Variants in GPHN observed in about 807,000 individuals in gnomAD.
GPHN encodes the protein gephyrin.
A neutral mutation model predicts 95.5 loss-of-function variants in GPHN; 17 were observed. The ratio of observed to expected loss-of-function variants is 0.18; its 90% confidence interval spans 0.12 to 0.27. The LOEUF (loss-of-function observed/expected upper bound fraction) is 0.27, where lower values mean the gene tolerates loss of function less well. Ranked by LOEUF, GPHN falls within the 10% of genes least tolerant of loss-of-function variation. The pLI is 1.00. For synonymous variants in GPHN, 320 were observed against 322.5 expected (o/e 0.99, Z 0.08); for missense variants, 660 against 978.1 (o/e 0.67, Z 4.34).
chr14:67,360,270 T>A, the GPHN span: 32 of 398,960 alleles, frequency 8.0e-5, no homozygotes, highest in African/African-American at 6.6e-4. Context: ...GACTCTATGG[T>A]TAATGATGAA....
intron 17 of GPHN, chr14:67,143,008 G>C (rs1315658788): frequency 3.1e-6 from 1 of 320,956 alleles, no homozygotes; most frequent in African/African-American, 2.2e-5. Context: ...GGATTGCCTT[G>C]GATTCCTAGG....
intron 2 of GPHN, among the ~76,000 whole-genome samples, chr14:66,748,899 T>C (rs2153446590): frequency 6.6e-6 from 1 of 152,114 alleles, no homozygotes; most frequent in South Asian, 2.1e-4. Context: ...TTAAAGTTTT[T>C]CAGGTTTTGG....
chr14:67,727,270 G>T, the GPHN span: 2 of 1,045,344 alleles, frequency 1.9e-6, no homozygotes, highest in Non-Finnish European at 1.4e-6. Context: ...AAGTCAGGCT[G>T]TCAAACATGC....
At chr14:67,374,516 A>C in the GPHN span, 1 of 1,608,538 alleles carries the variant, frequency 6.2e-7, no homozygotes, top group Non-Finnish European at 8.5e-7. Context: ...GAAGCAATCA[A>C]ATGTGAAGAC....
intron 8 of GPHN, among the ~76,000 whole-genome samples, chr14:66,958,044 G>A (rs1451775403): frequency 6.6e-6 from 1 of 152,144 alleles, no homozygotes. Flanking sequence ...AAACATTGAG[G>A]ACCGCTGTTC....
At chr14:67,188,809 CTTTCTT>C in the GPHN span, among the ~76,000 whole-genome samples, 237 of 151,782 alleles carry the variant, frequency 1.6e-3, no homozygotes, top group African/African-American at 5.3e-3. Flanking sequence ...TTCCTTCTTC[CTTTCTT>C]TTTCTTTTTC....
chr14:66,603,841 TAGAA>T (rs33933858), intron 1 of GPHN, among the ~76,000 whole-genome samples: 38,117 of 151,672 alleles, frequency 0.25, 9,639 homozygotes, highest in African/African-American at 0.62. Flanking sequence ...ATCTAAAAAT[TAGAA>T]AGATGGAAAC....
Position 67,056,987 on chromosome 14 carries a change from C to T in GPHN, c.1007-1662C>T, listed in dbSNP as rs1193557750. Among the ~76,000 whole-genome samples the T allele has an allele frequency of 3.3e-5, 5 of 152,198 alleles. No individual in the cohort carries two copies. The East Asian group carries it at 5.8e-4, about 18-fold the overall frequency. ...CTAAGCCCCTCACTGCAGGGCCCGC[C>T]GTACCCACGCCCACCCAGAACTCGT... On this transcript the variant is annotated intron_variant, in intron 10 of 22. Transcript: ENST00000478722.
At chr14:67,143,164 A>G (rs533863792) in intron 17 of GPHN, 198 bp from the exon 18 acceptor site, 1 of 540,136 alleles carries the variant, frequency 1.9e-6, no homozygotes, top group African/African-American at 1.9e-5. Context: ...CTACTTCAGC[A>G]TGTACAAGGT....
At chr14:66,980,557 C>G (rs2070590108) in intron 9 of GPHN, among the ~76,000 whole-genome samples, 1 of 151,810 alleles carries the variant, frequency 6.6e-6, no homozygotes, top group East Asian at 1.9e-4. Flanking sequence ...TAATTATTCT[C>G]TAGTTAGTGA....
the GPHN span, among the ~76,000 whole-genome samples, chr14:67,332,575 A>C: frequency 5.3e-3 from 814 of 152,332 alleles, 7 homozygotes; most frequent in Non-Finnish European, 7.8e-3. Flanking sequence ...ATTGAGTCCC[A>C]GATGGTTCAT....
the GPHN span, among the ~76,000 whole-genome samples, chr14:67,259,835 C>T: frequency 6.6e-6 from 1 of 150,674 alleles, no homozygotes; most frequent in East Asian, 1.9e-4. Flanking sequence ...TTGCTTGAGC[C>T]CAGGAGTTTG....
At chr14:67,557,539 C>G in the GPHN span, 3 of 819,942 alleles carry the variant, frequency 3.7e-6, no homozygotes, top group Non-Finnish European at 5.6e-6. Context: ...CCTCCTGAGC[C>G]TATTCTTTTA....
the GPHN span, among the ~76,000 whole-genome samples, chr14:67,705,151 G>T: frequency 6.6e-6 from 1 of 152,196 alleles, no homozygotes; most frequent in Non-Finnish European, 1.5e-5. Flanking sequence ...AAAGTCTGTC[G>T]TTAGAAGTTG....
At chr14:67,212,270 A>G in the GPHN span, among the ~76,000 whole-genome samples, 1 of 151,626 alleles carries the variant, frequency 6.6e-6, no homozygotes, top group Non-Finnish European at 1.5e-5. Flanking sequence ...GTGTAGATTA[A>G]AGAAAAAAAT....
At chr14:67,110,046 T>G in intron 13 of GPHN, 94 bp from the exon 14 acceptor site, 1 of 1,105,812 alleles carries the variant, frequency 9.0e-7, no homozygotes. Context: ...CTTTTATGGT[T>G]TATTTTTTAA....
the GPHN span, among the ~76,000 whole-genome samples, chr14:67,198,761 A>T: frequency 1.3e-5 from 2 of 152,214 alleles, no homozygotes; most frequent in Non-Finnish European, 2.9e-5. Context: ...TTCTCATAAG[A>T]ATGTCCCTAC....
chr14:66,582,845 A>G (rs2061248529), intron 1 of GPHN, among the ~76,000 whole-genome samples: 2 of 152,142 alleles, frequency 1.3e-5, no homozygotes, highest in South Asian at 4.1e-4. Flanking sequence ...CAATAAACAT[A>G]CATGTGCATG....
At chr14:67,233,896 T>C in the GPHN span, among the ~76,000 whole-genome samples, 1 of 152,216 alleles carries the variant, frequency 6.6e-6, no homozygotes, top group East Asian at 1.9e-4. Context: ...GATAGTTGAA[T>C]ACAGGATTCT....
Sources: gnomAD v4.1 joint callset for allele counts (sites outside exome capture counted in the v4.1 genomes callset) on GRCh38, gnomAD v4.1.1 for gene constraint, MANE v1.5 for transcripts, NCBI Gene and HGNC (gene_info 2026-07-23, HGNC 2026-07-21) for gene names.